The following NRCAM variants were observed in gnomAD, a reference collection of about 807,000 sequenced individuals.
NRCAM encodes neuronal cell adhesion molecule.
Under a neutral mutation model 156.5 loss-of-function variants are expected in NRCAM, and 83 were observed. The ratio of observed to expected loss-of-function variants is 0.53; its 90% confidence interval spans 0.44 to 0.64. The LOEUF is 0.64. Ranked by LOEUF, NRCAM falls within the 30% of genes least tolerant of loss-of-function variation. The pLI is 0.00. For synonymous variants in NRCAM, 538 were observed against 563.9 expected (o/e 0.95, Z 0.65); for missense variants, 1,417 against 1,597.3 (o/e 0.89, Z 1.92).
At chr7:108,260,259 A>G (rs1448130647) in intron 3 of NRCAM, among the ~76,000 whole-genome samples, 1 of 152,206 alleles carries the variant, frequency 6.6e-6, no homozygotes, top group Non-Finnish European at 1.5e-5. Flanking sequence ...GCTTCTGAGA[A>G]AACATCTAAT....
chr7:108,413,418 T>C (rs1797808406), intron 1 of NRCAM, among the ~76,000 whole-genome samples: 1 of 152,224 alleles, frequency 6.6e-6, no homozygotes, highest in Non-Finnish European at 1.5e-5. Flanking sequence ...TTATATATTT[T>C]GGATATTAAC....
At chr7:108,186,433 CCTT>C (rs904841328) in intron 20 of NRCAM, among the ~76,000 whole-genome samples, 3 of 152,164 alleles carry the variant, frequency 2.0e-5, no homozygotes, top group South Asian at 2.1e-4. Context: ...AATCTGGAAT[CCTT>C]CTTATTTCCC....
chr7:108,164,681 G>A (rs1012947860), intron 30 of NRCAM, among the ~76,000 whole-genome samples: 2 of 152,144 alleles, frequency 1.3e-5, no homozygotes, highest in Non-Finnish European at 2.9e-5. Context: ...GGGAGGCAGC[G>A]TAATGGTAAA....
intron 8 of NRCAM, 129 bp downstream of exon 8, chr7:108,230,901 AT>A: frequency 1.5e-6 from 1 of 652,050 alleles, no homozygotes; most frequent in East Asian, 3.0e-5. Flanking sequence ...CATGTTATTT[AT>A]TTTGAAGAGC....
chr7:108,393,211 T>C (rs777090629), intron 2 of NRCAM, among the ~76,000 whole-genome samples: 4 of 152,178 alleles, frequency 2.6e-5, no homozygotes, highest in Admixed American at 6.5e-5. Flanking sequence ...AGGTGGACTC[T>C]ACCCAGTTCG....
At position 108,379,365 on chromosome 7, in the gene NRCAM, T is replaced by C. The variant is rs186163602; in HGVS notation, c.-174+20071A>G. Among the ~76,000 whole-genome samples the C allele has an allele frequency of 1.1e-3, 160 of 152,268 alleles. 1 individual carries two copies. Among genetic ancestry groups the C allele is most frequent in the African/African-American group, 3.1e-3 (130 of 41,550 alleles). The stretch of plus-strand genomic sequence containing the variant: ...CATGATAAGCCTCGACTTTGCTAAA[T>C]GAAGTAAGCCACTCACAAAAAGACA... On this transcript the variant is annotated intron_variant, in intron 2 of 32. Transcript: ENST00000379028.
At chr7:108,197,769 T>C (rs2075924929) in intron 14 of NRCAM, among the ~76,000 whole-genome samples, 187 bp downstream of exon 14, 1 of 152,198 alleles carries the variant, frequency 6.6e-6, no homozygotes, top group African/African-American at 2.4e-5. Context: ...TTGTAAAAAC[T>C]GTGTTATGGA....
At chr7:108,237,241 T>G (rs764526154) in intron 5 of NRCAM, among the ~76,000 whole-genome samples, 1 of 152,252 alleles carries the variant, frequency 6.6e-6, no homozygotes, top group Non-Finnish European at 1.5e-5. Context: ...TTTGTCCACT[T>G]CAAGACAAGA....
Position 108,182,818 on chromosome 7 carries a change from C to T in NRCAM, c.2407G>A (p.Val803Ile), listed in dbSNP as rs145100379. Reference sequence around the variant, plus strand: ...GTGCCTGAGACAATATATTTGGATACATTTGCCACAACCACAGATGTCCAT... The same window carrying T: ...GTGCCTGAGACAATATATTTGGATATATTTGCCACAACCACAGATGTCCAT... The part of the protein sequence containing the change: ...DEWTSVVVAN[V>I]SKYIVSGTPT... The change falls in exon 23 of 33, where the codon GTA (valine) becomes ATA (isoleucine). Residue 803 changes from valine to isoleucine, a missense_variant. By Grantham distance (29) the Val-to-Ile change is conservative. Around this residue, in one of 2 missense-constraint regions of NRCAM, gnomAD observed 1,238 missense variants for 1,336.4 expected, o/e 0.93. Transcript: ENST00000379028. 8 of 1,614,110 alleles carry T rather than the reference C, an allele frequency of 5.0e-6. No individual in the cohort carries two copies. The African/African-American group carries it at 9.3e-5, about 19-fold the overall frequency.
chr7:108,437,555 A>G (rs920009117), intron 1 of NRCAM, among the ~76,000 whole-genome samples: 1 of 152,194 alleles, frequency 6.6e-6, no homozygotes, highest in Admixed American at 6.5e-5. Flanking sequence ...ATAACTATAC[A>G]CACCTACTAT....
chr7:108,284,754 C>T (rs1258794021), intron 3 of NRCAM, among the ~76,000 whole-genome samples: 1 of 152,198 alleles, frequency 6.6e-6, no homozygotes, highest in Non-Finnish European at 1.5e-5. Context: ...TTTTCACTCG[C>T]ATAGACATAC....
At position 108,349,042 on chromosome 7, in the gene NRCAM, T is replaced by C. The variant is rs188273654; in HGVS notation, c.-173-36311A>G. On this transcript the variant is annotated intron_variant, in intron 2 of 32. Coordinates refer to ENST00000379028, the MANE Select transcript of NRCAM (RefSeq NM_001037132.4). ...TGTGATGCGCTGTGTAAAATCTCTA[T>C]GTACAAAAACCTAAGTATGATCGAC... 8.6e-4 allele frequency among the ~76,000 whole-genome samples: 131 copies of C among 152,274 alleles called. 1 individual carries two copies. The highest frequency in any genetic ancestry group is 2.5e-3 in the Admixed American group (38 of 15,286).
intron 2 of NRCAM, among the ~76,000 whole-genome samples, chr7:108,329,156 C>T (rs951785981): frequency 2.6e-5 from 4 of 152,118 alleles, no homozygotes; most frequent in African/African-American, 9.7e-5. Flanking sequence ...CTCTAGTACC[C>T]ACAGTCATGA....
chr7:108,280,681 G>T (rs1309207081), intron 3 of NRCAM, among the ~76,000 whole-genome samples: 1 of 152,152 alleles, frequency 6.6e-6, no homozygotes, highest in African/African-American at 2.4e-5. Context: ...TGGACTGGGG[G>T]AAATAACAAT....
chr7:108,149,365 A>G lies in NRCAM; in HGVS notation c.*545T>C. ...TAATGAACTCATTTAGCAAGTATAT[A>G]CTGTACAAACTGTTCCTAACAGTCT... On this transcript the variant is annotated 3_prime_UTR_variant, in exon 33 of 33. Transcript: ENST00000379028. 1 of 155,110 alleles carries G rather than the reference A, an allele frequency of 6.4e-6. No homozygotes were observed. The highest frequency in any genetic ancestry group is 6.3e-5 in the Admixed American group (1 of 15,808). The allele number at this position is 155,110 out of a possible 1,614,324, so 9.6% of individuals were successfully genotyped here. A position where few individuals can be genotyped will look rare whatever the true frequency, so the allele number is the denominator to read the frequency against.
At position 108,209,622 on chromosome 7, in the gene NRCAM, A is replaced by G. The variant is rs369278484; in HGVS notation, c.891-17T>C. The G allele has an allele frequency of 7.1e-6, 11 of 1,548,484 alleles. No homozygotes were observed. In the African/African-American group the frequency reaches 1.5e-4, roughly 22 times the overall value. The stretch of plus-strand genomic sequence containing the variant: ...GGGGTAGGCCTGATAGGATAAATAA[A>G]TAATGATGTTACAAAAAAGGAATCC... On this transcript the variant is annotated splice_polypyrimidine_tract_variant and intron_variant, in intron 11 of 32. Transcript: ENST00000379028.
At chr7:108,282,511 A>G (rs1436095835) in intron 3 of NRCAM, among the ~76,000 whole-genome samples, 1 of 152,216 alleles carries the variant, frequency 6.6e-6, no homozygotes, top group East Asian at 1.9e-4. Context: ...TACTTGGAAC[A>G]ATGTTAATGT....
At chr7:108,194,915 T>C (rs78583640) in intron 15 of NRCAM, among the ~76,000 whole-genome samples, 2,249 of 152,152 alleles carry the variant, frequency 0.015, 49 homozygotes, top group African/African-American at 0.047. Flanking sequence ...TAGGAGGAGG[T>C]AGAGGACTTA....
chr7:108,299,126 G>GAAAGAAAA (rs2098530706), intron 3 of NRCAM, among the ~76,000 whole-genome samples: 2 of 62,338 alleles, frequency 3.2e-5, no homozygotes, highest in East Asian at 4.7e-4. Flanking sequence ...AAGAAAGAAA[G>GAAAGAAAA]AAAGAAAGAA....
Sources: allele counts gnomAD v4.1 joint callset (sites outside exome capture counted in the v4.1 genomes callset), GRCh38; gene constraint gnomAD v4.1.1; regional missense constraint gnomAD v4.1.1; transcripts MANE v1.5; gene names NCBI Gene and HGNC (gene_info 2026-07-23, HGNC 2026-07-21).